Variants in CARS2 observed in about 807,000 individuals in gnomAD.
CARS2 encodes probable cysteine--tRNA ligase, mitochondrial.
CARS2 carries 52 observed loss-of-function variants against 68.8 expected under a neutral mutation model. The observed-to-expected ratio is 0.76, with a 90% confidence interval of 0.61 to 0.95. The LOEUF (loss-of-function observed/expected upper bound fraction) is 0.95, where lower values mean the gene tolerates loss of function less well. Among genes scored for constraint, CARS2 ranks in the 40% least tolerant of loss-of-function variants. The probability of loss-of-function intolerance (pLI) is 0.00; values close to 1 mark genes in which losing one functional copy is unlikely to be tolerated. For synonymous variants in CARS2, 314 were observed against 303.6 expected (o/e 1.03, Z -0.36); for missense variants, 780 against 754.2 (o/e 1.03, Z -0.40).
At position 110,647,160 on chromosome 13, in the gene CARS2, A is replaced by G. The variant is rs1888245571; in HGVS notation, c.1134T>C (p.Arg378=). Residue 378 remains arginine (R), a synonymous_variant, in exon 11 of 15, where the codon CGT becomes CGC. Transcript: ENST00000257347. The stretch of plus-strand genomic sequence containing the variant: ...AGGCCAGCTGCCCCTTCATGTAGGC[A>G]CGTGCGTCCTCCAGGAAAGAGCCCA... ...LGLGSFLEDA[R]AYMKGQLACG... is the part of the protein sequence containing the mutation. The G allele has an allele frequency of 6.2e-7, 1 of 1,611,986 alleles. No homozygotes were observed. The highest frequency in any genetic ancestry group is 2.2e-5 in the East Asian group (1 of 44,860).
chr13:110,667,252 T>G, intron 8 of CARS2, 88 bp downstream of exon 8: 1 of 1,201,416 alleles, frequency 8.3e-7, no homozygotes, highest in Non-Finnish European at 1.2e-6. Flanking sequence ...GCTGATCTAC[T>G]ATGTATTTCC....
intron 5 of CARS2, among the ~76,000 whole-genome samples, 186 bp downstream of exon 5, chr13:110,687,535 G>A (rs779941643): frequency 7.2e-5 from 11 of 151,912 alleles, no homozygotes; most frequent in African/African-American, 1.2e-4. Context: ...AAATGTAGCC[G>A]GGCATGGTGG....
intron 1 of CARS2, chr13:110,712,334 C>A: frequency 6.0e-6 from 1 of 166,842 alleles, no homozygotes; most frequent in Non-Finnish European, 1.3e-5. Flanking sequence ...GAGCAGGGTC[C>A]AAGGCGGAAG....
chr13:110,669,137 G>A (rs1369350738), intron 7 of CARS2, among the ~76,000 whole-genome samples: 1 of 152,134 alleles, frequency 6.6e-6, no homozygotes, highest in African/African-American at 2.4e-5. Context: ...CAGATGAGCC[G>A]CATAACCACA....
chr13:110,665,707 C>G lies in CARS2; in HGVS notation c.919+1633G>C. The G allele has an allele frequency of 4.1e-6, 4 of 985,392 alleles. No homozygotes were observed. Among genetic ancestry groups the G allele is most frequent in the Non-Finnish European group, 4.8e-6 (4 of 829,926 alleles). 61.0% of individuals were successfully genotyped at this position (985,392 alleles called of 1,614,324 possible). On this transcript the variant is annotated intron_variant, in intron 8 of 14. Transcript: ENST00000257347. The surrounding 1 kb of genome is among the most constrained non-coding windows in gnomAD (Gnocchi z 4.3). ...AGCAACTCCAGCTCCTCAGACAGTT[C>G]AGGGAGCGCTGAACTGAGCCCTGAA...
intron 3 of CARS2, among the ~76,000 whole-genome samples, chr13:110,693,550 G>A (rs1199837073): frequency 3.3e-5 from 5 of 152,024 alleles, no homozygotes; most frequent in African/African-American, 9.7e-5. Context: ...TAGTAGACAC[G>A]GGGTTTTACC....
chr13:110,681,698 T>C (rs2139833436), intron 6 of CARS2, among the ~76,000 whole-genome samples: 1 of 152,316 alleles, frequency 6.6e-6, no homozygotes, highest in South Asian at 2.1e-4. Flanking sequence ...AGTAGGTGAG[T>C]GCTTAAGCTG....
At chr13:110,642,120 G>A (rs1346149756) in intron 14 of CARS2, among the ~76,000 whole-genome samples, 195 bp downstream of exon 14, 1 of 152,212 alleles carries the variant, frequency 6.6e-6, no homozygotes, top group Non-Finnish European at 1.5e-5. Flanking sequence ...AGAATCGCTT[G>A]AACCTGGGAG....
chr13:110,705,482 G>T lies in CARS2; in HGVS notation c.275+39C>A. ...AGCAAAAGGCTTTCAAAAATAAATG[G>T]TCCTTTGAAGTATGAAAATTCAAAT... On this transcript the variant is annotated intron_variant, in intron 2 of 14. Coordinates refer to ENST00000257347, the MANE Select transcript of CARS2 (RefSeq NM_024537.4). The surrounding 1 kb of genome is among the most constrained non-coding windows in gnomAD (Gnocchi z 4.0). The T allele has an allele frequency of 6.9e-7, 1 of 1,457,312 alleles. No homozygotes were observed. The highest frequency in any genetic ancestry group is 9.4e-7 in the Non-Finnish European group (1 of 1,065,622). 90.3% of individuals were successfully genotyped at this position (1,457,312 alleles called of 1,614,324 possible).
Position 110,705,567 on chromosome 13 carries a change from T to C in CARS2, c.229A>G (p.Ser77Gly). ...TGATCATATACAGTTGGTCCACAGC[T>C]ATACCTGGAAACAAAGTTAAAATCC... Reference protein sequence around the residue: ...VAHAEAASWYSCGPTVYDHAH... With the variant: ...VAHAEAASWYGCGPTVYDHAH... Residue 77 changes from serine to glycine, a missense_variant, in exon 2 of 15, where the codon AGC (serine) becomes GGC (glycine). Ser to Gly is a moderately conservative substitution (Grantham distance 56, BLOSUM62 0). Coordinates refer to ENST00000257347, the MANE Select transcript of CARS2 (RefSeq NM_024537.4). This position sits in a 1 kb window ranked among gnomAD's most constrained non-coding sequence, Gnocchi z 4.0. The C allele has an allele frequency of 6.2e-7, 1 of 1,613,046 alleles. No individual in the cohort carries two copies. Among genetic ancestry groups the C allele is most frequent in the Non-Finnish European group, 8.5e-7 (1 of 1,178,990 alleles).
At chr13:110,679,610 AG>A (rs2063092722) in intron 6 of CARS2, among the ~76,000 whole-genome samples, 1 of 133,288 alleles carries the variant, frequency 7.5e-6, no homozygotes, top group African/African-American at 2.7e-5. Flanking sequence ...AGAGAGAGAG[AG>A]AGAGAGAGAG....
intron 10 of CARS2, chr13:110,649,203 C>G (rs1386470120): frequency 6.6e-6 from 1 of 152,268 alleles, no homozygotes; most frequent in Non-Finnish European, 1.5e-5. Context: ...GGCCACACTT[C>G]TTTCTCAAGC....
intron 10 of CARS2, chr13:110,649,161 G>C (rs895680892): frequency 2.0e-5 from 3 of 152,380 alleles, no homozygotes; most frequent in Admixed American, 6.5e-5. Context: ...ACCACACACA[G>C]ATGCTGCACG....
upstream of CARS2, chr13:110,706,150 C>T (rs999356347): frequency 2.5e-6 from 3 of 1,220,658 alleles, no homozygotes; most frequent in Non-Finnish European, 3.1e-6. Context: ...GGTACGCTGC[C>T]GGTCGCTCAA....
intron 9 of CARS2, among the ~76,000 whole-genome samples, chr13:110,652,445 T>C (rs1452221754): frequency 6.6e-6 from 1 of 152,222 alleles, no homozygotes; most frequent in Non-Finnish European, 1.5e-5. Context: ...CACACACAAC[T>C]GAAGAGCGTC....
intron 6 of CARS2, among the ~76,000 whole-genome samples, chr13:110,682,050 C>T (rs889674143): frequency 2.0e-5 from 3 of 151,898 alleles, no homozygotes; most frequent in Non-Finnish European, 1.5e-5. Context: ...GAGAGTGAAC[C>T]CTGATGCCAA....
intron 3 of CARS2, among the ~76,000 whole-genome samples, chr13:110,692,122 A>T (rs912001539): frequency 1.4e-5 from 2 of 140,178 alleles, no homozygotes; most frequent in Non-Finnish European, 3.0e-5. Context: ...ATACACACAC[A>T]TATATATACA....
intron 2 of CARS2, among the ~76,000 whole-genome samples, chr13:110,703,028 G>A (rs938090312): frequency 1.3e-5 from 2 of 152,058 alleles, no homozygotes; most frequent in African/African-American, 2.4e-5. Flanking sequence ...GCCAGACCAC[G>A]CAGCACCCTC....
intron 8 of CARS2, chr13:110,666,063 T>C: frequency 1.0e-6 from 1 of 985,250 alleles, no homozygotes; most frequent in Non-Finnish European, 1.2e-6. Flanking sequence ...ACGCTTCCTC[T>C]CCAAGAACAC....
Sources: gnomAD v4.1 joint callset for allele counts (sites outside exome capture counted in the v4.1 genomes callset) on GRCh38, gnomAD v4.1.1 for gene constraint, Gnocchi (gnomAD v3.1) non-coding constraint, MANE v1.5 for transcripts, NCBI Gene and HGNC (gene_info 2026-07-23, HGNC 2026-07-21) for gene names.